The following RHOJ variants were observed in gnomAD, a reference collection of about 807,000 sequenced individuals.
RHOJ encodes rho-related GTP-binding protein RhoJ.
Under a neutral mutation model 23.4 loss-of-function variants are expected in RHOJ, and 11 were observed. That is an observed-to-expected ratio of 0.47 (90% CI 0.30 to 0.78). The LOEUF (loss-of-function observed/expected upper bound fraction) is 0.78, where lower values mean the gene tolerates loss of function less well. Among genes scored for constraint, RHOJ ranks in the 30% least tolerant of loss-of-function variants. The probability of loss-of-function intolerance (pLI) is 0.08; values close to 1 mark genes in which losing one functional copy is unlikely to be tolerated. For missense variants in RHOJ, 254 were observed against 273.4 expected (o/e 0.93, Z 0.50); for synonymous variants, 102 against 102.7 (o/e 0.99, Z 0.04).
At chr14:63,260,839 A>G (rs978912336) in intron 1 of RHOJ, among the ~76,000 whole-genome samples, 6 of 149,796 alleles carry the variant, frequency 4.0e-5, no homozygotes, top group Non-Finnish European at 7.4e-5. Context: ...GTACACATGT[A>G]CAGGTTTTTT....
intron 1 of RHOJ, among the ~76,000 whole-genome samples, chr14:63,266,759 C>A (rs993532673): frequency 3.9e-5 from 6 of 152,124 alleles, no homozygotes; most frequent in Admixed American, 3.9e-4. Context: ...TTTTTATATC[C>A]TGAACCTTTA....
chr14:63,208,281 C>T (rs1401221764), intron 1 of RHOJ, among the ~76,000 whole-genome samples: 1 of 152,172 alleles, frequency 6.6e-6, no homozygotes, highest in Non-Finnish European at 1.5e-5. Context: ...TACCAAAATC[C>T]AAAAGCACAT....
chr14:63,231,388 A>G (rs1248182140), intron 1 of RHOJ, among the ~76,000 whole-genome samples: 2 of 152,206 alleles, frequency 1.3e-5, no homozygotes, highest in Non-Finnish European at 2.9e-5. Flanking sequence ...GATGTTAACA[A>G]CTACTCAAAT....
chr14:63,287,844 C>G (rs1882129264), intron 4 of RHOJ, among the ~76,000 whole-genome samples: 1 of 152,182 alleles, frequency 6.6e-6, no homozygotes, highest in South Asian at 2.1e-4. Context: ...CTTCTAAATA[C>G]TTGACTGTGT....
intron 1 of RHOJ, among the ~76,000 whole-genome samples, chr14:63,225,231 G>A (rs1170398074): frequency 1.3e-5 from 2 of 152,100 alleles, no homozygotes; most frequent in Admixed American, 6.5e-5. Context: ...GATTACAGGC[G>A]CAAGCCACCA....
chr14:63,227,908 T>C (rs1391177212), intron 1 of RHOJ, among the ~76,000 whole-genome samples: 1 of 152,232 alleles, frequency 6.6e-6, no homozygotes, highest in African/African-American at 2.4e-5. Flanking sequence ...GCTCTAAAAA[T>C]GTGCTCACAT....
chr14:63,251,729 A>G (rs1378635783), intron 1 of RHOJ, among the ~76,000 whole-genome samples: 4 of 152,212 alleles, frequency 2.6e-5, no homozygotes, highest in African/African-American at 9.6e-5. Context: ...ACTTAATAAC[A>G]TTTATTTAGT....
chr14:63,225,571 T>C (rs962505977), intron 1 of RHOJ, among the ~76,000 whole-genome samples: 3 of 152,200 alleles, frequency 2.0e-5, no homozygotes, highest in Non-Finnish European at 2.9e-5. Flanking sequence ...TCCAGTGTTC[T>C]TCTCTTCTGT....
chr14:63,246,515 A>C (rs1204556247), intron 1 of RHOJ, among the ~76,000 whole-genome samples: 1 of 152,172 alleles, frequency 6.6e-6, no homozygotes, highest in African/African-American at 2.4e-5. Context: ...ACAAAACCTG[A>C]GACTCTTTTT....
chr14:63,270,561 G>A (rs891006454), intron 2 of RHOJ, among the ~76,000 whole-genome samples: 3 of 152,190 alleles, frequency 2.0e-5, no homozygotes, highest in African/African-American at 4.8e-5. Flanking sequence ...CAAGAGCCTC[G>A]GGATAACTCA....
chr14:63,232,725 C>A (rs1399884687), intron 1 of RHOJ, among the ~76,000 whole-genome samples: 2 of 117,606 alleles, frequency 1.7e-5, no homozygotes, highest in East Asian at 2.5e-4. Flanking sequence ...GAGACAGGGT[C>A]TCACTCTGTC....
chr14:63,206,727 G>A (rs1274009586), intron 1 of RHOJ, among the ~76,000 whole-genome samples: 1 of 152,194 alleles, frequency 6.6e-6, no homozygotes, highest in African/African-American at 2.4e-5. Context: ...ACCACAACTA[G>A]ATTCCACTAG....
In RHOJ at chr14:63,240,604, A is replaced by G. The variant is rs554949584; in HGVS notation, c.179-28506A>G. Among the ~76,000 whole-genome samples the G allele has an allele frequency of 7.9e-5, 12 of 152,338 alleles. No individual in the cohort carries two copies. The South Asian group carries it at 2.5e-3, about 32-fold the overall frequency. On this transcript the variant is annotated intron_variant, in intron 1 of 4. Coordinates refer to ENST00000316754, the MANE Select transcript of RHOJ (RefSeq NM_020663.5). ...GAATATGTGGTAAAAGTAATAAGGG[A>G]AGGAGTGGGTGATTGATACCCAGCA... is the stretch of plus-strand genomic sequence containing the variant.
intron 1 of RHOJ, among the ~76,000 whole-genome samples, chr14:63,234,679 GATAAA>G (rs59757554): frequency 0.11 from 16,534 of 151,978 alleles, 1,052 homozygotes; most frequent in African/African-American, 0.17. Flanking sequence ...GTTTAAAACA[GATAAA>G]ATAAACCATT....
At chr14:63,234,050 G>A (rs1345091409) in intron 1 of RHOJ, among the ~76,000 whole-genome samples, 1 of 152,166 alleles carries the variant, frequency 6.6e-6, no homozygotes, top group Non-Finnish European at 1.5e-5. Flanking sequence ...TTCCACATTT[G>A]TGCAAGCCAC....
chr14:63,237,795 G>A (rs978627977), intron 1 of RHOJ, among the ~76,000 whole-genome samples: 16 of 152,172 alleles, frequency 1.1e-4, no homozygotes, highest in Admixed American at 7.9e-4. Context: ...TGAATTAATC[G>A]GTGTGGATCG....
chr14:63,212,678 T>A (rs191944827), intron 1 of RHOJ, among the ~76,000 whole-genome samples: 129 of 152,280 alleles, frequency 8.5e-4, no homozygotes, highest in Middle Eastern at 3.4e-3. Flanking sequence ...CCTGATAGTA[T>A]CATCTATTAA....
chr14:63,206,863 A>G (rs1187876323), intron 1 of RHOJ, among the ~76,000 whole-genome samples: 1 of 152,200 alleles, frequency 6.6e-6, no homozygotes, highest in Non-Finnish European at 1.5e-5. Context: ...ACTCAGAGCA[A>G]TACTTTGCAC....
chr14:63,263,060 G>A (rs563337330), intron 1 of RHOJ, among the ~76,000 whole-genome samples: 52 of 152,202 alleles, frequency 3.4e-4, no homozygotes, highest in Non-Finnish European at 6.0e-4. Flanking sequence ...GTCAGACTAT[G>A]TTCCAGGCAT....
Sources: allele counts gnomAD v4.1 joint callset (sites outside exome capture counted in the v4.1 genomes callset), GRCh38; gene constraint gnomAD v4.1.1; transcripts MANE v1.5; gene names NCBI Gene and HGNC (gene_info 2026-07-23, HGNC 2026-07-21).